CCDC60: variants seen among roughly 807,000 people sequenced by gnomAD.
CCDC60 encodes coiled-coil domain-containing protein 60.
CCDC60 carries 54 observed loss-of-function variants against 63.5 expected under a neutral mutation model. The observed-to-expected ratio is 0.85, with a 90% CI of 0.68 to 1.07. CCDC60 has a LOEUF of 1.07. Among genes scored for constraint, CCDC60 ranks in the 50% least tolerant of loss-of-function variants. The pLI, the probability that CCDC60 is intolerant of heterozygous loss-of-function variation, is 0.00. For synonymous variants in CCDC60, 206 were observed against 238.8 expected (o/e 0.86, Z 1.27); for missense variants, 651 against 684.3 (o/e 0.95, Z 0.54).
At chr12:119,442,366 C>G (rs563406048) in intron 2 of CCDC60, among the ~76,000 whole-genome samples, 2 of 152,298 alleles carry the variant, frequency 1.3e-5, no homozygotes, top group African/African-American at 4.8e-5. Flanking sequence ...AATCCCAGCA[C>G]TTTGGGAGGC....
intron 2 of CCDC60, among the ~76,000 whole-genome samples, chr12:119,448,699 T>C (rs2136277820): frequency 6.6e-6 from 1 of 152,190 alleles, no homozygotes; most frequent in Non-Finnish European, 1.5e-5. Context: ...AAGAGGCGCA[T>C]TAGGTTCCTT....
rs993128804 is a variant in CCDC60 at position 119,460,092 on chromosome 12, G to A, written c.171-11902G>A. On this transcript the variant is annotated intron_variant, in intron 2 of 13. Coordinates refer to ENST00000327554, the MANE Select transcript of CCDC60 (RefSeq NM_178499.5). ...AACTAGATAGCATCACCTGAAGTAGGAGTGGTTAGTTAATAGTTAATAGTT... is the reference window on the plus strand; with the variant it reads ...AACTAGATAGCATCACCTGAAGTAGAAGTGGTTAGTTAATAGTTAATAGTT... 3.7e-4 allele frequency among the ~76,000 whole-genome samples: 20 copies of A among 54,072 alleles called. No individual in the cohort carries two copies. In the Admixed American group the frequency reaches 4.2e-3, roughly 11 times the overall value. The allele number at this position is 54,072 out of a possible 152,430, so 35.5% of individuals were successfully genotyped here. A position where few individuals can be genotyped will look rare whatever the true frequency, so the allele number is the denominator to read the frequency against.
At chr12:119,405,441 G>T (rs1411635836) in intron 1 of CCDC60, among the ~76,000 whole-genome samples, 1 of 152,164 alleles carries the variant, frequency 6.6e-6, no homozygotes, top group Non-Finnish European at 1.5e-5. Context: ...TACAAGGCTT[G>T]TTGTGCTTGT....
At position 119,513,391 on chromosome 12, in the gene CCDC60, G is replaced by A. The variant is rs1952263828; in HGVS notation, c.884-3232G>A. Among the ~76,000 whole-genome samples, 2 of 151,992 alleles carry A rather than the reference G, an allele frequency of 1.3e-5. 1 individual carries two copies. The highest frequency in any genetic ancestry group is 4.2e-4 in the South Asian group (2 of 4,812). On this transcript the variant is annotated intron_variant, in intron 7 of 13. Coordinates refer to ENST00000327554, the MANE Select transcript of CCDC60 (RefSeq NM_178499.5). ...AACATCCAAACCAACATGTCCATAG[G>A]GCCATGCATCTTCCGAAATCCATAG...
At chr12:119,379,598 C>A (rs144267273) in intron 1 of CCDC60, among the ~76,000 whole-genome samples, 215 of 152,322 alleles carry the variant, frequency 1.4e-3, no homozygotes, top group Non-Finnish European at 2.5e-3. Flanking sequence ...GGTCTCAATG[C>A]AATGTTACTT....
At chr12:119,468,521 CA>C (rs1566025690) in intron 2 of CCDC60, among the ~76,000 whole-genome samples, 4 of 151,892 alleles carry the variant, frequency 2.6e-5, no homozygotes, top group Admixed American at 2.0e-4. Flanking sequence ...CATAAACATC[CA>C]AAAAATTTTA....
intron 5 of CCDC60, among the ~76,000 whole-genome samples, chr12:119,491,523 T>C (rs1275447873): frequency 6.6e-6 from 1 of 152,038 alleles, no homozygotes; most frequent in African/African-American, 2.4e-5. Flanking sequence ...GGAGACAGGG[T>C]TTCACCATGT....
chr12:119,418,011 AAAGATTGTAG>A, intron 1 of CCDC60, among the ~76,000 whole-genome samples: 1 of 152,342 alleles, frequency 6.6e-6, no homozygotes, highest in East Asian at 1.9e-4. Context: ...CTAACTTGTA[AAAGATTGTAG>A]AAGATTCCAA....
intron 1 of CCDC60, among the ~76,000 whole-genome samples, chr12:119,419,408 C>T (rs1001056027): frequency 2.6e-5 from 4 of 152,186 alleles, no homozygotes; most frequent in East Asian, 1.9e-4. Flanking sequence ...ACCATGTAGG[C>T]GATGCTGTGC....
At chr12:119,510,635 AAAG>A (rs1329287840) in intron 7 of CCDC60, among the ~76,000 whole-genome samples, 1 of 152,216 alleles carries the variant, frequency 6.6e-6, no homozygotes, top group Non-Finnish European at 1.5e-5. Flanking sequence ...TGTACAGATT[AAAG>A]AAGATCAGTC....
In CCDC60 at chr12:119,480,402, G is replaced by A. The variant is rs139935606; in HGVS notation, c.449+1201G>A. 6.3e-3 allele frequency among the ~76,000 whole-genome samples: 958 copies of A among 152,280 alleles called. 4 individuals are homozygous for A. The highest frequency in any genetic ancestry group is 9.7e-3 in the Non-Finnish European group (662 of 68,032). Reference sequence around the variant, plus strand: ...CATAGAACATATATCCCAAAGCCTTGTCTTTAAGGAGCTCATAATATATTT... The same window carrying A: ...CATAGAACATATATCCCAAAGCCTTATCTTTAAGGAGCTCATAATATATTT... On this transcript the variant is annotated intron_variant, in intron 4 of 13. Coordinates refer to ENST00000327554, the MANE Select transcript of CCDC60 (RefSeq NM_178499.5).
chr12:119,440,749 A>G (rs906241111), intron 2 of CCDC60, among the ~76,000 whole-genome samples: 1 of 152,100 alleles, frequency 6.6e-6, no homozygotes, highest in Non-Finnish European at 1.5e-5. Context: ...TGGAGCCACA[A>G]AGAGACCTTG....
chr12:119,522,801 T>C, intron 9 of CCDC60, 138 bp from the exon 10 acceptor site: 1 of 778,206 alleles, frequency 1.3e-6, no homozygotes, highest in Non-Finnish European at 2.3e-6. Flanking sequence ...ATTCATAGAG[T>C]TCTGTGACTG....
chr12:119,470,498 C>T (rs930317487), intron 2 of CCDC60, among the ~76,000 whole-genome samples: 1 of 152,184 alleles, frequency 6.6e-6, no homozygotes, highest in Non-Finnish European at 1.5e-5. Context: ...CCCGACCTCC[C>T]GCCTCCCAGC....
intron 2 of CCDC60, among the ~76,000 whole-genome samples, chr12:119,450,868 A>AAG (rs55677949): frequency 0.75 from 106,173 of 141,450 alleles, 40,131 homozygotes; most frequent in South Asian, 0.91. Flanking sequence ...AAAAAAAAAA[A>AAG]AGAGAGAGAG....
At chr12:119,402,864 A>T in intron 1 of CCDC60, among the ~76,000 whole-genome samples, 1 of 152,226 alleles carries the variant, frequency 6.6e-6, no homozygotes, top group East Asian at 1.9e-4. Flanking sequence ...GCAATATGCT[A>T]ACAAAATTGT....
chr12:119,360,274 G>A (rs1338758181), intron 1 of CCDC60, among the ~76,000 whole-genome samples: 64 of 150,256 alleles, frequency 4.3e-4, no homozygotes, highest in African/African-American at 1.4e-3. Flanking sequence ...CGGACGGGGC[G>A]GCTGGCCGGG....
At chr12:119,388,922 A>G (rs1429568374) in intron 1 of CCDC60, among the ~76,000 whole-genome samples, 1 of 152,246 alleles carries the variant, frequency 6.6e-6, no homozygotes, top group Non-Finnish European at 1.5e-5. Flanking sequence ...GAGTATCACC[A>G]TGTACAAACA....
intron 2 of CCDC60, among the ~76,000 whole-genome samples, chr12:119,441,662 C>G (rs1363280166): frequency 6.6e-6 from 1 of 152,154 alleles, no homozygotes; most frequent in Non-Finnish European, 1.5e-5. Flanking sequence ...CTTATTGTAC[C>G]TGGTTTCTTT....
Sources: gnomAD v4.1 joint callset for allele counts (sites outside exome capture counted in the v4.1 genomes callset) on GRCh38, gnomAD v4.1.1 for gene constraint, MANE v1.5 for transcripts, NCBI Gene and HGNC (gene_info 2026-07-23, HGNC 2026-07-21) for gene names.